TRAPPC9: variants seen among roughly 807,000 people sequenced by gnomAD.
TRAPPC9 encodes IKK2 binding protein.
A neutral mutation model predicts 124.0 loss-of-function variants in TRAPPC9; 83 were observed. The ratio of observed to expected loss-of-function variants is 0.67; its 90% CI spans 0.56 to 0.80. TRAPPC9 has a LOEUF of 0.80. TRAPPC9 is among the 30% of genes least tolerant of loss of function. The pLI is 0.00. For missense variants in TRAPPC9, 1,302 were observed against 1,508.3 expected, an observed-to-expected ratio of 0.86 and a Z score of 2.27; for synonymous variants, 638 against 617.5, an observed-to-expected ratio of 1.03 and a Z score of -0.49.
chr8:140,367,057 AAC>A (rs1246470100), intron 8 of TRAPPC9, among the ~76,000 whole-genome samples: 1 of 152,210 alleles, frequency 6.6e-6, no homozygotes, highest in African/African-American at 2.4e-5. Context: ...GCCAAAATCT[AAC>A]AGTGACAACC....
At chr8:140,332,535 A>T (rs2066921026) in intron 9 of TRAPPC9, among the ~76,000 whole-genome samples, 1 of 152,240 alleles carries the variant, frequency 6.6e-6, no homozygotes, top group Admixed American at 6.5e-5. Context: ...CCCTGAATTG[A>T]TCATTACACA....
intron 16 of TRAPPC9, among the ~76,000 whole-genome samples, chr8:140,227,838 C>G (rs1050162917): frequency 3.3e-5 from 5 of 152,252 alleles, no homozygotes; most frequent in African/African-American, 1.2e-4. Flanking sequence ...GAAGCTGAGG[C>G]TCTGAGAAGG....
chr8:140,115,703 G>A (rs2060870371), intron 17 of TRAPPC9, among the ~76,000 whole-genome samples: 1 of 152,152 alleles, frequency 6.6e-6, no homozygotes, highest in Non-Finnish European at 1.5e-5. Context: ...AGCAGGGGCT[G>A]GATAATCACC....
intron 21 of TRAPPC9, among the ~76,000 whole-genome samples, chr8:139,815,592 A>G (rs887671318): frequency 2.0e-5 from 3 of 152,072 alleles, no homozygotes; most frequent in Admixed American, 6.5e-5. Flanking sequence ...GGGTTTCACC[A>G]TGTTGGCCAG....
chr8:140,054,745 A>G (rs1280048632), intron 17 of TRAPPC9, among the ~76,000 whole-genome samples: 1 of 152,174 alleles, frequency 6.6e-6, no homozygotes, highest in Non-Finnish European at 1.5e-5. Flanking sequence ...CTGAAAAATC[A>G]TTAGAAGATG....
At chr8:140,304,269 A>G (rs2066062209) in intron 10 of TRAPPC9, among the ~76,000 whole-genome samples, 1 of 151,522 alleles carries the variant, frequency 6.6e-6, no homozygotes, top group African/African-American at 2.4e-5. Flanking sequence ...TAATTTTTGT[A>G]TTTTTCGTAG....
chr8:139,760,572 G>C (rs1426569226), intron 21 of TRAPPC9, among the ~76,000 whole-genome samples: 1 of 152,204 alleles, frequency 6.6e-6, no homozygotes, highest in Non-Finnish European at 1.5e-5. Context: ...CTGTCCTTTT[G>C]TGAGAATCCT....
intron 15 of TRAPPC9, among the ~76,000 whole-genome samples, chr8:140,272,316 T>C (rs1013948809): frequency 3.4e-5 from 5 of 147,084 alleles, no homozygotes; most frequent in African/African-American, 5.1e-5. Context: ...GTTGTGGTGG[T>C]TATAGTGGTG....
chr8:139,815,534 T>C (rs1454449924), intron 21 of TRAPPC9, among the ~76,000 whole-genome samples: 1 of 152,044 alleles, frequency 6.6e-6, no homozygotes. Flanking sequence ...ATTACAGACT[T>C]GCGCCACCAC....
chr8:140,020,016 G>A (rs993209165), intron 18 of TRAPPC9, among the ~76,000 whole-genome samples: 1 of 148,294 alleles, frequency 6.7e-6, no homozygotes, highest in Non-Finnish European at 1.5e-5. Context: ...TTAATGTTTT[G>A]TATGTTTTAT....
intron 10 of TRAPPC9, among the ~76,000 whole-genome samples, chr8:140,308,406 G>A (rs999317501): frequency 2.0e-5 from 3 of 151,384 alleles, no homozygotes; most frequent in African/African-American, 7.3e-5. Context: ...CTGAGGTTCC[G>A]TGGGTTTACC....
intron 21 of TRAPPC9, among the ~76,000 whole-genome samples, chr8:139,809,376 G>C (rs1824279678): frequency 6.6e-6 from 1 of 152,220 alleles, no homozygotes; most frequent in Non-Finnish European, 1.5e-5. Context: ...TGCTGGAGAG[G>C]GAGGAGACTG....
At chr8:139,830,565 T>A (rs1374183698) in intron 21 of TRAPPC9, among the ~76,000 whole-genome samples, 4 of 147,922 alleles carry the variant, frequency 2.7e-5, no homozygotes, top group Admixed American at 2.0e-4. Flanking sequence ...CACATGCAAA[T>A]ACACATGCAC....
At chr8:139,820,113 T>G (rs546726388) in intron 21 of TRAPPC9, among the ~76,000 whole-genome samples, 5 of 152,178 alleles carry the variant, frequency 3.3e-5, no homozygotes, top group Admixed American at 3.3e-4. Flanking sequence ...CAAAAGACAT[T>G]TTTTTAATTT....
intron 7 of TRAPPC9, among the ~76,000 whole-genome samples, chr8:140,384,000 G>A (rs1185609207): frequency 6.6e-6 from 1 of 152,124 alleles, no homozygotes; most frequent in Non-Finnish European, 1.5e-5. Context: ...GAGAGTAGGG[G>A]CCAATATTCA....
intron 15 of TRAPPC9, among the ~76,000 whole-genome samples, chr8:140,261,053 C>A (rs1323917994): frequency 6.6e-6 from 1 of 152,224 alleles, no homozygotes; most frequent in East Asian, 1.9e-4. Flanking sequence ...CACATGTCCT[C>A]TGTCATCCCA....
chr8:139,970,254 C>G (rs906600975), intron 19 of TRAPPC9, among the ~76,000 whole-genome samples: 1 of 152,214 alleles, frequency 6.6e-6, no homozygotes, highest in Non-Finnish European at 1.5e-5. Flanking sequence ...CGCTGGCGCC[C>G]GCAGCATCTC....
intron 17 of TRAPPC9, among the ~76,000 whole-genome samples, chr8:140,112,279 G>A (rs1462571881): frequency 1.3e-5 from 2 of 151,500 alleles, no homozygotes; most frequent in African/African-American, 2.4e-5. Context: ...GAGAGTAATG[G>A]AGAATTCCAG....
intron 8 of TRAPPC9, among the ~76,000 whole-genome samples, chr8:140,369,556 A>T (rs1354199635): frequency 6.6e-6 from 1 of 152,248 alleles, no homozygotes; most frequent in African/African-American, 2.4e-5. Context: ...AGCCCTAACT[A>T]TCAGAATTAT....
Sources: gnomAD v4.1 joint callset for allele counts (sites outside exome capture counted in the v4.1 genomes callset) on GRCh38, gnomAD v4.1.1 for gene constraint, MANE v1.5 for transcripts, NCBI Gene and HGNC (gene_info 2026-07-23, HGNC 2026-07-21) for gene names.